The following GYG1 variants were observed in gnomAD, a reference collection of about 807,000 sequenced individuals.
The protein encoded by GYG1 is glycogenin-1.
Under a neutral mutation model 41.9 loss-of-function variants are expected in GYG1, and 44 were observed. The observed-to-expected ratio is 1.05, with a 90% CI of 0.83 to 1.35. GYG1 has a LOEUF of 1.35. GYG1 is among the 40% of genes most tolerant of loss of function. The probability of loss-of-function intolerance (pLI) is 0.00; values close to 1 mark genes in which losing one functional copy is unlikely to be tolerated. For synonymous variants in GYG1, 141 were observed against 158.1 expected (o/e 0.89, Z 0.81); for missense variants, 429 against 418.9 (o/e 1.02, Z -0.21).
At chr3:149,024,550 T>C (rs1009211458) in intron 6 of GYG1, among the ~76,000 whole-genome samples, 2 of 152,224 alleles carry the variant, frequency 1.3e-5, no homozygotes, top group African/African-American at 4.8e-5. Context: ...CATTCTCCTC[T>C]GAAAAGATTT....
At chr3:149,012,874 G>A (rs1377268825) in intron 5 of GYG1, among the ~76,000 whole-genome samples, 1 of 152,102 alleles carries the variant, frequency 6.6e-6, no homozygotes, top group Non-Finnish European at 1.5e-5. Flanking sequence ...GCCTAGGCTA[G>A]AGTGCAGTGG....
rs1712665536 is a variant in GYG1, at chr3:148,994,287, T to A, written c.143+10T>A. The stretch of plus-strand genomic sequence containing the variant: ...TCTCAGACTCCATGAGGTGAGGACC[T>A]CGCTGCCACCCCAGCATCCAAGGGG... On this transcript the variant is annotated intron_variant, in intron 2 of 7. Transcript: ENST00000345003. 1 of 1,613,762 alleles carries A rather than the reference T, an allele frequency of 6.2e-7. No homozygotes were observed. The highest frequency in any genetic ancestry group is 1.7e-5 in the Admixed American group (1 of 59,998).
At chr3:149,015,082 G>A (rs955613963) in intron 5 of GYG1, among the ~76,000 whole-genome samples, 1 of 152,140 alleles carries the variant, frequency 6.6e-6, no homozygotes, top group Non-Finnish European at 1.5e-5. Context: ...AAATGTGACT[G>A]TTACAGGTTT....
At chr3:148,998,935 G>A (rs1712953281) in intron 4 of GYG1, among the ~76,000 whole-genome samples, 1 of 152,176 alleles carries the variant, frequency 6.6e-6, no homozygotes, top group Admixed American at 6.5e-5. Flanking sequence ...TTCAGCTTTA[G>A]TAAGTGAATC....
intron 4 of GYG1, among the ~76,000 whole-genome samples, chr3:148,997,126 A>C (rs1448117166): frequency 6.6e-6 from 1 of 152,060 alleles, no homozygotes; most frequent in Non-Finnish European, 1.5e-5. Context: ...AACCTAAACT[A>C]TGATAGGCAA....
At chr3:148,999,474 T>C (rs1349775474) in intron 4 of GYG1, among the ~76,000 whole-genome samples, 1 of 152,250 alleles carries the variant, frequency 6.6e-6, no homozygotes, top group Admixed American at 6.5e-5. Context: ...ACTTGAAATA[T>C]GTGTTAAGCT....
Position 149,009,416 on chromosome 3 carries a change from G to A in GYG1, c.608+14G>A, listed in dbSNP as rs200902926. 2.5e-6 allele frequency: 4 copies of A among 1,613,232 alleles called. No individual in the cohort carries two copies. In the South Asian group the frequency reaches 4.4e-5, roughly 18 times the overall value. ...GGCATTTAAAGTGTAAGTGCAGATG[G>A]TTTAACTATTGTTGGAGATGTTGAG... On this transcript the variant is annotated intron_variant, in intron 5 of 7. Transcript: ENST00000345003.
intron 7 of GYG1, 126 bp downstream of exon 7, chr3:149,026,628 T>C (rs1714666588): frequency 1.0e-6 from 1 of 997,808 alleles, no homozygotes; most frequent in Non-Finnish European, 1.6e-6. Context: ...TTTGTTTGTT[T>C]CATGTAATAC....
chr3:148,991,691 T>A, intron 1 of GYG1, 44 bp downstream of exon 1: 1 of 1,446,092 alleles, frequency 6.9e-7, no homozygotes, highest in Non-Finnish European at 9.3e-7. Flanking sequence ...GGACCCCGGC[T>A]TCCTGCCCAG....
intron 4 of GYG1, among the ~76,000 whole-genome samples, chr3:149,000,123 C>T (rs1037553835): frequency 5.3e-5 from 8 of 152,238 alleles, no homozygotes; most frequent in Non-Finnish European, 1.2e-4. Context: ...CTCCACCTCT[C>T]TATTCTGTGA....
In GYG1 at chr3:149,029,870, T is replaced by TC. The variant is rs1040860945; in HGVS notation, c.*2938dup. Reference sequence around the variant, plus strand: ...TAGGTATTATCACAACTCCTTTTTTTCTTCCAGATGAAGAAATTAATTGGG... The same window carrying TC: ...TAGGTATTATCACAACTCCTTTTTTTCCTTCCAGATGAAGAAATTAATTGGG... On this transcript the variant is annotated 3_prime_UTR_variant, in exon 8 of 8. Transcript: ENST00000345003. 7.9e-5 allele frequency among the ~76,000 whole-genome samples: 12 copies of TC among 152,342 alleles called. No individual in the cohort carries two copies. Among genetic ancestry groups the TC allele is most frequent in the Admixed American group, 4.6e-4 (7 of 15,304 alleles).
In GYG1 at chr3:149,028,183, G is replaced by T. The variant is rs1199236974; in HGVS notation, c.*1250G>T. Among the ~76,000 whole-genome samples, 2 of 152,134 alleles carry T rather than the reference G, an allele frequency of 1.3e-5. No individual in the cohort carries two copies. Among genetic ancestry groups the T allele is most frequent in the African/African-American group, 4.8e-5 (2 of 41,430 alleles). On this transcript the variant is annotated 3_prime_UTR_variant, in exon 8 of 8. Coordinates refer to ENST00000345003, the MANE Select transcript of GYG1 (RefSeq NM_004130.4). ...TTAGAGGTTTGATTGGGCAAAAGCT[G>T]CAAAGCTTTTGTGACTTAGCCTTCA...
chr3:149,024,508 A>T (rs905019254), intron 6 of GYG1, among the ~76,000 whole-genome samples: 14 of 152,156 alleles, frequency 9.2e-5, no homozygotes, highest in Admixed American at 7.9e-4. Context: ...TTCTGTATAT[A>T]CCCATATATT....
chr3:149,003,113 AAT>A (rs1713188860), intron 4 of GYG1, among the ~76,000 whole-genome samples: 1 of 106,998 alleles, frequency 9.3e-6, no homozygotes, highest in Non-Finnish European at 1.8e-5. Flanking sequence ...ATTTTACTAT[AAT>A]TTTTTTTTTT....
intron 5 of GYG1, among the ~76,000 whole-genome samples, chr3:149,017,789 T>C (rs1714155338): frequency 1.3e-5 from 2 of 149,264 alleles, no homozygotes; most frequent in East Asian, 3.9e-4. Context: ...TTTTTTTGTA[T>C]TTTAGTAGAG....
chr3:149,009,312 G>A lies in GYG1; in HGVS notation c.518G>A (p.Ser173Asn), dbSNP rs1240678044. The A allele has an allele frequency of 6.2e-7, 1 of 1,613,254 alleles. No homozygotes were observed. Residue 173 changes from serine to asparagine, a missense_variant, in exon 5 of 8, where the codon AGC (serine) becomes AAC (asparagine). Coordinates refer to ENST00000345003, the MANE Select transcript of GYG1 (RefSeq NM_004130.4). Reference protein sequence around the residue: ...DQGILNTFFSSWATTDIRKHL... With the variant: ...DQGILNTFFSNWATTDIRKHL... ...GGCATACTGAACACATTTTTTAGCA[G>A]CTGGGCAACAACAGATATCAGAAAA...
chr3:148,998,804 G>C (rs1289255166), intron 4 of GYG1, among the ~76,000 whole-genome samples: 1 of 152,200 alleles, frequency 6.6e-6, no homozygotes, highest in Non-Finnish European at 1.5e-5. Flanking sequence ...AAAGAGGAGA[G>C]TGTTTTTAGC....
intron 5 of GYG1, 126 bp downstream of exon 5, chr3:149,009,528 C>G (rs1713602532): frequency 3.1e-6 from 3 of 981,922 alleles, no homozygotes; most frequent in East Asian, 4.8e-5. Context: ...GAAAGTTTCT[C>G]TTGTAAGAAC....
chr3:148,998,458 A>C (rs936185016), intron 4 of GYG1, among the ~76,000 whole-genome samples: 3 of 152,328 alleles, frequency 2.0e-5, no homozygotes, highest in Non-Finnish European at 2.9e-5. Flanking sequence ...GATTTCTTCC[A>C]ACAAAGAATT....
Sources: allele counts gnomAD v4.1 joint callset (sites outside exome capture counted in the v4.1 genomes callset), GRCh38; gene constraint gnomAD v4.1.1; transcripts MANE v1.5; gene names NCBI Gene and HGNC (gene_info 2026-07-23, HGNC 2026-07-21).